The following ADAMTS20 variants were observed in gnomAD, a reference collection of about 807,000 sequenced individuals.
ADAMTS20 encodes the protein A disintegrin and metalloproteinase with thrombospondin motifs 20.
ADAMTS20 carries 225 observed loss-of-function variants against 260.1 expected under a neutral mutation model. The ratio of observed to expected loss-of-function variants is 0.87; its 90% confidence interval spans 0.78 to 0.97. ADAMTS20 has a LOEUF of 0.97. ADAMTS20 is among the 50% of genes least tolerant of loss of function. The probability of loss-of-function intolerance (pLI) is 0.00; values close to 1 mark genes in which losing one functional copy is unlikely to be tolerated. For synonymous variants in ADAMTS20, 802 were observed against 769.5 expected, an observed-to-expected ratio of 1.04 and a Z score of -0.70; for missense variants, 2,400 against 2,337.7, an observed-to-expected ratio of 1.03 and a Z score of -0.55.
chr12:43,452,672 C>A lies in ADAMTS20; in HGVS notation c.1784G>T (p.Cys595Phe). 2 of 1,608,300 alleles carry A rather than the reference C, an allele frequency of 1.2e-6. No homozygotes were observed. The highest frequency in any genetic ancestry group is 1.7e-6 in the Non-Finnish European group (2 of 1,176,464). Residue 595 changes from cysteine to phenylalanine, a missense_variant, in exon 13 of 39, where the codon TGT becomes TTT. Transcript: ENST00000389420. Reference sequence around the variant, plus strand: ...TCGAAATTTCATCCTGCGGCCCACACAGTAATTTCCTCCGTTTCTTGGCCT... The same window carrying A: ...TCGAAATTTCATCCTGCGGCCCACAAAGTAATTTCCTCCGTTTCTTGGCCT... ...RPEPRNGGNY[C>F]VGRRMKFRSC...
chr12:43,356,952 C>T (rs1378873158), intron 37 of ADAMTS20, among the ~76,000 whole-genome samples: 1 of 152,134 alleles, frequency 6.6e-6, no homozygotes, highest in African/African-American at 2.4e-5. Flanking sequence ...TACTTCTTAA[C>T]TCACCACACA....
chr12:43,434,374 T>C lies in ADAMTS20; in HGVS notation c.2594-3A>G, dbSNP rs374282826. The stretch of plus-strand genomic sequence containing the variant: ...AGTTATGTTTCTTCGCTGAAGACCT[T>C]GGCCAAAGTCAAATGAAAATAAAAA... On this transcript the variant is annotated splice_polypyrimidine_tract_variant and splice_region_variant and intron_variant, in intron 18 of 38. Coordinates refer to ENST00000389420, the MANE Select transcript of ADAMTS20 (RefSeq NM_025003.5). The C allele has an allele frequency of 1.2e-5, 19 of 1,569,954 alleles. No homozygotes were observed. Among genetic ancestry groups the C allele is most frequent in the African/African-American group, 4.1e-5 (3 of 73,648 alleles).
intron 3 of ADAMTS20, among the ~76,000 whole-genome samples, chr12:43,526,453 G>A (rs749025429): frequency 5.9e-5 from 9 of 151,290 alleles, no homozygotes; most frequent in Non-Finnish European, 8.8e-5. Flanking sequence ...GCAATACTCC[G>A]TCTCAAAAAA....
intron 9 of ADAMTS20, 77 bp downstream of exon 9, chr12:43,466,575 T>C (rs1942155891): frequency 7.2e-7 from 1 of 1,382,060 alleles, no homozygotes; most frequent in African/African-American, 1.5e-5. Flanking sequence ...AAACAGAAAT[T>C]GAACCACCTT....
At chr12:43,382,736 G>A (rs1940381259) in intron 31 of ADAMTS20, among the ~76,000 whole-genome samples, 1 of 151,866 alleles carries the variant, frequency 6.6e-6, no homozygotes, top group African/African-American at 2.4e-5. Context: ...AAGTAACTAT[G>A]TTTCATATGT....
intron 36 of ADAMTS20, among the ~76,000 whole-genome samples, chr12:43,372,857 C>T (rs1940136376): frequency 6.6e-6 from 1 of 152,150 alleles, no homozygotes; most frequent in South Asian, 2.1e-4. Context: ...GAGCAATTCC[C>T]TTCTGATTCT....
chr12:43,468,834 T>C, intron 7 of ADAMTS20, 129 bp from the exon 8 acceptor site: 1 of 538,354 alleles, frequency 1.9e-6, no homozygotes, highest in Non-Finnish European at 3.2e-6. Flanking sequence ...CTGTTAATAT[T>C]GAATAAACGT....
intron 31 of ADAMTS20, among the ~76,000 whole-genome samples, chr12:43,382,990 A>G (rs1384529900): frequency 1.3e-5 from 2 of 152,214 alleles, no homozygotes; most frequent in Non-Finnish European, 2.9e-5. Context: ...AGACAAAAAA[A>G]GTATGTACTG....
At chr12:43,401,205 G>A (rs1225323933) in intron 28 of ADAMTS20, among the ~76,000 whole-genome samples, 1 of 151,946 alleles carries the variant, frequency 6.6e-6, no homozygotes, top group Non-Finnish European at 1.5e-5. Context: ...CATTCTTGAA[G>A]GAGAGGTAGG....
chr12:43,396,821 GTC>G (rs1371331898), intron 29 of ADAMTS20, among the ~76,000 whole-genome samples: 1 of 152,126 alleles, frequency 6.6e-6, no homozygotes, highest in Non-Finnish European at 1.5e-5. Context: ...GACAGAAAGT[GTC>G]TCTCATGAAT....
chr12:43,385,678 T>C (rs569005799), intron 29 of ADAMTS20, among the ~76,000 whole-genome samples: 4 of 152,344 alleles, frequency 2.6e-5, no homozygotes, highest in African/African-American at 7.2e-5. Flanking sequence ...GCTAGCCAGT[T>C]TTCCCAACAC....
intron 27 of ADAMTS20, 40 bp downstream of exon 27, chr12:43,427,268 A>T (rs776508466): frequency 1.9e-6 from 3 of 1,595,418 alleles, no homozygotes; most frequent in Non-Finnish European, 2.6e-6. Context: ...GTCTTCAGAG[A>T]TGTAATAATC....
intron 4 of ADAMTS20, among the ~76,000 whole-genome samples, chr12:43,498,100 T>C (rs928591824): frequency 2.6e-5 from 4 of 152,152 alleles, no homozygotes; most frequent in Non-Finnish European, 5.9e-5. Context: ...CAGCTGAGTA[T>C]CTCTGCTCAT....
At chr12:43,478,188 C>T (rs1045265387) in intron 7 of ADAMTS20, among the ~76,000 whole-genome samples, 11 of 151,482 alleles carry the variant, frequency 7.3e-5, no homozygotes, top group Non-Finnish European at 1.3e-4. Flanking sequence ...GTAAACAAAA[C>T]GAACAGGTAG....
At chr12:43,531,804 G>A (rs1943224772) in intron 3 of ADAMTS20, among the ~76,000 whole-genome samples, 1 of 151,980 alleles carries the variant, frequency 6.6e-6, no homozygotes, top group Non-Finnish European at 1.5e-5. Context: ...AGAAAAATAA[G>A]TACATGAGCT....
At chr12:43,483,848 C>T (rs74082063) in intron 7 of ADAMTS20, among the ~76,000 whole-genome samples, 20,896 of 152,052 alleles carry the variant, frequency 0.14, 1,762 homozygotes, top group African/African-American at 0.22. Context: ...CCATGGGTAC[C>T]GCTTACTGGC....
chr12:43,481,356 G>C (rs1942439518), intron 7 of ADAMTS20, among the ~76,000 whole-genome samples: 1 of 152,188 alleles, frequency 6.6e-6, no homozygotes, highest in South Asian at 2.1e-4. Context: ...AAAAGACTCA[G>C]AAAACAAGGA....
At chr12:43,439,196 G>C (rs1468490649) in intron 18 of ADAMTS20, among the ~76,000 whole-genome samples, 2 of 151,998 alleles carry the variant, frequency 1.3e-5, no homozygotes, top group African/African-American at 4.8e-5. Context: ...CATGGTCAGG[G>C]AAGGAAAATA....
intron 2 of ADAMTS20, among the ~76,000 whole-genome samples, chr12:43,549,715 T>C (rs983884385): frequency 3.9e-5 from 6 of 152,158 alleles, no homozygotes; most frequent in African/African-American, 1.4e-4. Flanking sequence ...GATTCTGCCA[T>C]TGTGATGTTG....
Sources: allele counts gnomAD v4.1 joint callset (sites outside exome capture counted in the v4.1 genomes callset), GRCh38; gene constraint gnomAD v4.1.1; transcripts MANE v1.5; gene names NCBI Gene and HGNC (gene_info 2026-07-23, HGNC 2026-07-21).